C9orf153: variants seen among roughly 807,000 people sequenced by gnomAD.
C9orf153 encodes chromosome 9 open reading frame 153, also known as uncharacterized protein C9orf153.
In C9orf153, 10 loss-of-function variants were observed where a neutral mutation model predicts 9.0. That is an observed-to-expected ratio of 1.11 (90% CI 0.69 to 1.89). C9orf153 has a LOEUF of 1.89. C9orf153 is among the 40% of genes most tolerant of loss of function. The pLI is 0.00. For missense variants in C9orf153, 108 were observed against 111.0 expected, an observed-to-expected ratio of 0.97 and a Z score of 0.12; for synonymous variants, 35 against 37.3, an observed-to-expected ratio of 0.94 and a Z score of 0.23.
At chr9:86,243,503 A>T (rs2131196397) in intron 1 of C9orf153, among the ~76,000 whole-genome samples, 1 of 130,540 alleles carries the variant, frequency 7.7e-6, no homozygotes, top group African/African-American at 3.0e-5. Context: ...TTCACTCTTG[A>T]TGCTCAGGCT....
intron 1 of C9orf153, among the ~76,000 whole-genome samples, chr9:86,257,590 C>T (rs1825149362): frequency 6.6e-6 from 1 of 152,194 alleles, no homozygotes; most frequent in Admixed American, 6.6e-5. Flanking sequence ...TTGAGTCTGG[C>T]TGTCTTCCCA....
chr9:86,230,549 C>T (rs1189205917), intron 1 of C9orf153, among the ~76,000 whole-genome samples: 1 of 152,228 alleles, frequency 6.6e-6, no homozygotes, highest in African/African-American at 2.4e-5. Flanking sequence ...GATCCACCCA[C>T]CTCGGCCTCC....
At chr9:86,234,639 G>A (rs994500814) in intron 1 of C9orf153, among the ~76,000 whole-genome samples, 35 of 152,148 alleles carry the variant, frequency 2.3e-4, no homozygotes, top group African/African-American at 8.4e-4. Flanking sequence ...AAATTTTTGT[G>A]ACCCTGGCTT....
chr9:86,241,835 A>C (rs1299897210), intron 1 of C9orf153, among the ~76,000 whole-genome samples: 1 of 152,140 alleles, frequency 6.6e-6, no homozygotes, highest in Non-Finnish European at 1.5e-5. Flanking sequence ...CATGTTGGTC[A>C]GGCTGGTCTT....
Position 86,220,811 on chromosome 9 carries a change from T to G in C9orf153, c.*877A>C, listed in dbSNP as rs1394310252. 1 of 152,128 alleles carries G rather than the reference T, an allele frequency of 6.6e-6. No homozygotes were observed. The highest frequency in any genetic ancestry group is 1.5e-5 in the Non-Finnish European group (1 of 68,024). 9.4% of individuals were successfully genotyped at this position (152,128 alleles called of 1,614,324 possible). On this transcript the variant is annotated 3_prime_UTR_variant, in exon 4 of 4. Coordinates refer to ENST00000339137, the MANE Select transcript of C9orf153 (RefSeq NM_001276366.4). ...ATTCTCCTATTTTTTTTCTGCTAAT[T>G]CCATCGTATACATTTCTGAACTTCT...
At chr9:86,250,459 GT>G (rs1564003975) in intron 1 of C9orf153, among the ~76,000 whole-genome samples, 3 of 152,150 alleles carry the variant, frequency 2.0e-5, no homozygotes, top group Non-Finnish European at 1.5e-5. Flanking sequence ...ATATTTTGGG[GT>G]ATTGGTTTCT....
intron 1 of C9orf153, among the ~76,000 whole-genome samples, chr9:86,238,290 T>C (rs1476224343): frequency 6.6e-6 from 1 of 152,176 alleles, no homozygotes; most frequent in Non-Finnish European, 1.5e-5. Flanking sequence ...CTGGATATAA[T>C]TGACATCTAT....
intron 1 of C9orf153, among the ~76,000 whole-genome samples, chr9:86,251,942 C>CACACACACACACACAT (rs367793280): frequency 1.3e-5 from 2 of 149,646 alleles, no homozygotes; most frequent in East Asian, 3.9e-4. Flanking sequence ...CACACACACA[C>CACACACACACACACAT]GAGAGAGAGA....
chr9:86,245,534 C>G (rs1824846414), intron 1 of C9orf153, among the ~76,000 whole-genome samples: 1 of 152,142 alleles, frequency 6.6e-6, no homozygotes, highest in African/African-American at 2.4e-5. Flanking sequence ...TCTTATTTCA[C>G]TTAGCATGAT....
intron 3 of C9orf153, among the ~76,000 whole-genome samples, chr9:86,225,186 G>T (rs1353475752): frequency 6.6e-6 from 1 of 151,962 alleles, no homozygotes; most frequent in East Asian, 1.9e-4. Flanking sequence ...GTATACTTTG[G>T]AATACCAGGA....
At chr9:86,232,147 T>G (rs1287990776) in intron 1 of C9orf153, among the ~76,000 whole-genome samples, 1 of 152,232 alleles carries the variant, frequency 6.6e-6, no homozygotes, top group Non-Finnish European at 1.5e-5. Context: ...CTCATGTTAT[T>G]ACAATAGTAT....
At position 86,221,061 on chromosome 9, in the gene C9orf153, G is replaced by A. The variant is rs1348573713; in HGVS notation, c.*627C>T. ...ATCTTTCTGTTCTTATTTCATGGAT[G>A]CTGTTTCCTTCTTTGTCACTGGACA... On this transcript the variant is annotated 3_prime_UTR_variant, in exon 4 of 4. Transcript: ENST00000339137. 1 of 152,118 alleles carries A rather than the reference G, an allele frequency of 6.6e-6. No homozygotes were observed. Among genetic ancestry groups the A allele is most frequent in the East Asian group, 1.9e-4 (1 of 5,188 alleles). The allele number at this position is 152,118 out of a possible 1,614,324, so 9.4% of individuals were successfully genotyped here.
chr9:86,256,452 T>C (rs1018254058), intron 1 of C9orf153, among the ~76,000 whole-genome samples: 8 of 152,264 alleles, frequency 5.3e-5, no homozygotes, highest in African/African-American at 1.4e-4. Context: ...ATCCTGCTAA[T>C]TGAATGTTAT....
chr9:86,235,849 A>G (rs952724046), intron 1 of C9orf153, among the ~76,000 whole-genome samples: 1 of 151,952 alleles, frequency 6.6e-6, no homozygotes, highest in African/African-American at 2.4e-5. Flanking sequence ...AAGGTATAAC[A>G]TATGCATAAT....
At chr9:86,243,773 A>G (rs1032126695) in intron 1 of C9orf153, among the ~76,000 whole-genome samples, 1 of 152,224 alleles carries the variant, frequency 6.6e-6, no homozygotes, top group African/African-American at 2.4e-5. Context: ...ATACTCACAG[A>G]CAGTTGCTTT....
At chr9:86,252,394 T>G (rs1400185127) in intron 1 of C9orf153, among the ~76,000 whole-genome samples, 2 of 152,196 alleles carry the variant, frequency 1.3e-5, no homozygotes, top group Non-Finnish European at 2.9e-5. Flanking sequence ...AAGTAAAGAT[T>G]TTTGCTTTTT....
chr9:86,227,350 GA>G, intron 3 of C9orf153: 1 of 1,498,492 alleles, frequency 6.7e-7, no homozygotes, highest in East Asian at 2.4e-5. Context: ...TTTATTTTTG[GA>G]GATGGGGTCT....
At chr9:86,241,245 C>T (rs926949050) in intron 1 of C9orf153, among the ~76,000 whole-genome samples, 49 of 152,196 alleles carry the variant, frequency 3.2e-4, no homozygotes, top group Admixed American at 2.1e-3. Flanking sequence ...CACTTCAGCC[C>T]TGTCATTTAG....
At chr9:86,225,866 G>A (rs1333462949) in intron 3 of C9orf153, among the ~76,000 whole-genome samples, 1 of 152,204 alleles carries the variant, frequency 6.6e-6, no homozygotes, top group Non-Finnish European at 1.5e-5. Flanking sequence ...AGGCAGAGAA[G>A]AGACTCCAAC....
Sources: allele counts gnomAD v4.1 joint callset (sites outside exome capture counted in the v4.1 genomes callset), GRCh38; gene constraint gnomAD v4.1.1; transcripts MANE v1.5; gene names NCBI Gene and HGNC (gene_info 2026-07-23, HGNC 2026-07-21).